The following SMARCC2 variants were observed in gnomAD, a reference collection of about 807,000 sequenced individuals.
SMARCC2 encodes the protein SWI/SNF related BAF chromatin remodeling complex subunit C2.
SMARCC2 carries 15 observed loss-of-function variants against 151.3 expected under a neutral mutation model. The ratio of observed to expected loss-of-function variants is 0.10; its 90% CI spans 0.07 to 0.15. The LOEUF (loss-of-function observed/expected upper bound fraction) is 0.15, where lower values mean the gene tolerates loss of function less well. SMARCC2 is among the 10% of genes least tolerant of loss of function. SMARCC2 has a pLI of 1.00. For missense variants in SMARCC2, 1,031 were observed against 1,599.7 expected (o/e 0.64, Z 6.06); for synonymous variants, 590 against 609.5 (o/e 0.97, Z 0.47).
chr12:56,171,689 C>A lies in SMARCC2; in HGVS notation c.2175G>T (p.Lys725Asn), dbSNP rs1182178305. ...VDPRVASAAA[K>N]SALEEFSKMK... ...ACCCACCCCCATTACCTAGGGCTGA[C>A]TTTGCAGCAGCAGAGGCGACTCGGG... is the stretch of plus-strand genomic sequence containing the variant. The change falls in exon 21 of 29, where the codon AAG becomes AAT. Residue 725 changes from lysine (K) to asparagine (N), a missense_variant. By Grantham distance (94) the Lys-to-Asn change is moderately conservative. Coordinates refer to ENST00000550164, the MANE Select transcript of SMARCC2 (RefSeq NM_001330288.2). This position sits in a 1 kb window ranked among gnomAD's most constrained non-coding sequence, Gnocchi z 4.2. The A allele has an allele frequency of 1.9e-6, 3 of 1,552,126 alleles. No individual in the cohort carries two copies. Among genetic ancestry groups the A allele is most frequent in the African/African-American group, 1.4e-5 (1 of 72,868 alleles).
intron 25 of SMARCC2, 40 bp downstream of exon 25, chr12:56,169,489 G>A: frequency 1.2e-6 from 2 of 1,601,074 alleles, no homozygotes; most frequent in South Asian, 2.2e-5. Context: ...TTAGAGAAGT[G>A]GACATTTTCT....
intron 11 of SMARCC2, among the ~76,000 whole-genome samples, chr12:56,180,103 A>AT (rs940636483): frequency 1.3e-5 from 2 of 148,972 alleles, no homozygotes; most frequent in African/African-American, 2.5e-5. Flanking sequence ...GCATATATAC[A>AT]TTTTTTTTTC....
At chr12:56,178,172 A>T (rs949311216) in intron 14 of SMARCC2, 79 bp from the exon 15 acceptor site, 2 of 1,193,292 alleles carry the variant, frequency 1.7e-6, no homozygotes, top group Non-Finnish European at 2.4e-6. Flanking sequence ...AAAGCCTAGA[A>T]GGCAAAGAAG....
At chr12:56,165,842 C>T (rs1872679823) in intron 26 of SMARCC2, 143 bp from the exon 27 acceptor site, 2 of 788,498 alleles carry the variant, frequency 2.5e-6, no homozygotes, top group Admixed American at 4.6e-5. Context: ...CTTGTGCTCC[C>T]TCTGTCCTCC....
intron 15 of SMARCC2, among the ~76,000 whole-genome samples, chr12:56,176,914 C>T (rs543528214): frequency 7.2e-5 from 11 of 152,004 alleles, no homozygotes; most frequent in Non-Finnish European, 1.2e-4. Flanking sequence ...CTCCGCCTCC[C>T]GGGTTCAAGC....
chr12:56,187,384 G>A, intron 1 of SMARCC2, 78 bp from the exon 2 acceptor site: 1 of 1,381,674 alleles, frequency 7.2e-7, no homozygotes, highest in Non-Finnish European at 1.0e-6. Context: ...CTCCCCCAGG[G>A]GCTCTGGAAG....
chr12:56,184,001 C>T (rs1232725514), intron 6 of SMARCC2, 71 bp from the exon 7 acceptor site: 4 of 1,218,488 alleles, frequency 3.3e-6, no homozygotes, highest in Admixed American at 3.7e-5. Flanking sequence ...GTACAAAAGC[C>T]CTAACTAATG....
chr12:56,163,685 C>T lies in SMARCC2; in HGVS notation c.*4G>A. ...GTGAGGGGGAGAGATGTCTGGCTGG[C>T]TCCTCACTGTGGAGGTGGCACAGGG... On this transcript the variant is annotated 3_prime_UTR_variant, in exon 29 of 29. Transcript: ENST00000550164. The T allele has an allele frequency of 6.7e-7, 1 of 1,490,028 alleles. No individual in the cohort carries two copies. The highest frequency in any genetic ancestry group is 8.9e-7 in the Non-Finnish European group (1 of 1,123,218). 92.3% of individuals were successfully genotyped at this position (1,490,028 alleles called of 1,614,324 possible).
At chr12:56,185,752 A>G in intron 3 of SMARCC2, 1 of 186,376 alleles carries the variant, frequency 5.4e-6, no homozygotes, top group South Asian at 1.2e-4. Flanking sequence ...TGCTGGGATT[A>G]CAGGTGTGAG....
chr12:56,184,578 G>A (rs988465276), intron 5 of SMARCC2: 10 of 532,980 alleles, frequency 1.9e-5, no homozygotes, highest in East Asian at 1.6e-4. Flanking sequence ...CTGAGATCAC[G>A]CAATCTCTAG....
Position 56,171,171 on chromosome 12 carries a change from G to T in SMARCC2, c.2347+100C>A. Reference sequence around the variant, plus strand: ...AAACCCTACCAATGTTCTCATTCATGTTGTGCTCTAATGCCAACTTGAGGC... The same window carrying T: ...AAACCCTACCAATGTTCTCATTCATTTTGTGCTCTAATGCCAACTTGAGGC... On this transcript the variant is annotated intron_variant, in intron 22 of 28. Transcript: ENST00000550164. This position sits in a 1 kb window ranked among gnomAD's most constrained non-coding sequence, Gnocchi z 4.2. 1 of 1,175,544 alleles carries T rather than the reference G, an allele frequency of 8.5e-7. No individual in the cohort carries two copies. Among genetic ancestry groups the T allele is most frequent in the Non-Finnish European group, 1.2e-6 (1 of 800,790 alleles). The allele number at this position is 1,175,544 out of a possible 1,614,324, so 72.8% of individuals were successfully genotyped here.
intron 15 of SMARCC2, among the ~76,000 whole-genome samples, chr12:56,177,611 T>A (rs1425127862): frequency 6.6e-6 from 1 of 152,096 alleles, no homozygotes; most frequent in African/African-American, 2.4e-5. Flanking sequence ...CTTCTATTAG[T>A]TCCTTCTCTT....
intron 24 of SMARCC2, 31 bp downstream of exon 24, chr12:56,169,745 G>A (rs1373030272): frequency 4.3e-6 from 7 of 1,613,926 alleles, no homozygotes; most frequent in Non-Finnish European, 5.9e-6. Flanking sequence ...CCTCTGTCCT[G>A]CACCCCCACC....
Position 56,184,168 on chromosome 12 carries a change from G to C in SMARCC2, c.562+7C>G, listed in dbSNP as rs1321194975. On this transcript the variant is annotated splice_region_variant and intron_variant, in intron 6 of 28. Coordinates refer to ENST00000550164, the MANE Select transcript of SMARCC2 (RefSeq NM_001330288.2). ...CACTCAAGTGGACAGGAAAACCCAG[G>C]TCTCACCTTCTTCTAGATTCCCCGG... The C allele has an allele frequency of 6.2e-7, 1 of 1,609,870 alleles. No homozygotes were observed. Among genetic ancestry groups the C allele is most frequent in the African/African-American group, 1.3e-5 (1 of 74,814 alleles).
At position 56,164,490 on chromosome 12, in the gene SMARCC2, C is replaced by T. The variant is rs142435936; in HGVS notation, c.3474G>A (p.Pro1158=). The part of the protein sequence containing the change: ...HGHHHHLPFA[P]GTLPPPNLPV... Reference sequence around the variant, plus strand: ...GCAGGTTAGGTGGGGGGAGAGTGCCCGGGGCGAACGGGAGATGGTGGTGAT... The same window carrying T: ...GCAGGTTAGGTGGGGGGAGAGTGCCTGGGGCGAACGGGAGATGGTGGTGAT... Residue 1158 remains proline (P), a synonymous_variant, in exon 28 of 29, where the codon CCG becomes CCA. Coordinates refer to ENST00000550164, the MANE Select transcript of SMARCC2 (RefSeq NM_001330288.2). The T allele has an allele frequency of 7.4e-6, 12 of 1,613,928 alleles. No homozygotes were observed. Among genetic ancestry groups the T allele is most frequent in the Non-Finnish European group, 8.5e-6 (10 of 1,180,028 alleles).
chr12:56,178,627 A>C, intron 13 of SMARCC2, 93 bp from the exon 14 acceptor site: 1 of 1,575,012 alleles, frequency 6.3e-7, no homozygotes, highest in Non-Finnish European at 8.7e-7. Flanking sequence ...TGGACACTAA[A>C]GATGGGTGAT....
chr12:56,180,457 G>A (rs1875969828), intron 11 of SMARCC2, among the ~76,000 whole-genome samples: 1 of 146,934 alleles, frequency 6.8e-6, no homozygotes, highest in Admixed American at 6.9e-5. Context: ...AGGCTGGAGT[G>A]CAGTGGTACA....
At chr12:56,177,402 G>A (rs1875242706) in intron 15 of SMARCC2, among the ~76,000 whole-genome samples, 1 of 152,090 alleles carries the variant, frequency 6.6e-6, no homozygotes, top group African/African-American at 2.4e-5. Context: ...GCCCCACCAG[G>A]CCCAGCTAAT....
rs1330726062 is a variant in SMARCC2 at position 56,163,078 on chromosome 12, C to G, written c.*611G>C. ...TAAAACAGCAACAATGAGGAAGCCG[C>G]AGGAGGGATTATTAGTACGAATGAA... On this transcript the variant is annotated 3_prime_UTR_variant, in exon 29 of 29. Transcript: ENST00000550164. The G allele has an allele frequency of 6.6e-6, 1 of 151,656 alleles. No individual in the cohort carries two copies. The highest frequency in any genetic ancestry group is 6.6e-5 in the Admixed American group (1 of 15,180). 9.4% of individuals were successfully genotyped at this position (151,656 alleles called of 1,614,324 possible).
Sources: gnomAD v4.1 joint callset for allele counts (sites outside exome capture counted in the v4.1 genomes callset) on GRCh38, gnomAD v4.1.1 for gene constraint, Gnocchi (gnomAD v3.1) non-coding constraint, MANE v1.5 for transcripts, NCBI Gene and HGNC (gene_info 2026-07-23, HGNC 2026-07-21) for gene names.